The following ABI3BP variants were observed in gnomAD, a reference collection of about 807,000 sequenced individuals.
ABI3BP encodes the protein target of Nesh-SH3.
ABI3BP carries 216 observed loss-of-function variants against 268.6 expected under a neutral mutation model. The ratio of observed to expected loss-of-function variants is 0.80; its 90% CI spans 0.72 to 0.90. ABI3BP has a LOEUF of 0.90. Among genes scored for constraint, ABI3BP ranks in the 40% least tolerant of loss-of-function variants. The pLI is 0.00. For missense variants in ABI3BP, 2,090 were observed against 2,182.4 expected (o/e 0.96, Z 0.84); for synonymous variants, 730 against 730.0 (o/e 1.00, Z 0.00).
intron 1 of ABI3BP, among the ~76,000 whole-genome samples, chr3:100,972,167 A>G (rs1269695212): frequency 6.6e-6 from 1 of 152,230 alleles, no homozygotes; most frequent in Admixed American, 6.5e-5. Context: ...CAACATCTGC[A>G]TTATATTTTA....
rs75255459 is a variant in ABI3BP at position 100,780,208 on chromosome 3, C to T, written c.4164G>A (p.Gly1388=). The T allele has an allele frequency of 7.7e-5, 124 of 1,611,980 alleles. No homozygotes were observed. The East Asian group carries it at 2.7e-3, about 35-fold the overall frequency. Residue 1388 remains glycine (G), a splice_region_variant and synonymous_variant, in exon 58 of 68, where the codon GGG becomes GGA. Transcript: ENST00000471714. The part of the protein sequence containing the change: ...GMPSGNGVGT[G]VKQAPRPSGA... ...CTGATGGCCTGGGTGCTTGCTTGACCCCTATGAGCAGAGATAATGAAAGGG... is the reference window on the plus strand; with the variant it reads ...CTGATGGCCTGGGTGCTTGCTTGACTCCTATGAGCAGAGATAATGAAAGGG...
chr3:100,778,170 C>A (rs1003628522), intron 59 of ABI3BP, 114 bp downstream of exon 59: 26 of 1,031,544 alleles, frequency 2.5e-5, no homozygotes, highest in Non-Finnish European at 3.5e-5. Context: ...AGGGCCAACA[C>A]AAACGTGTCA....
chr3:100,920,662 C>A (rs886795555), intron 2 of ABI3BP, among the ~76,000 whole-genome samples: 13 of 152,120 alleles, frequency 8.5e-5, no homozygotes, highest in African/African-American at 2.9e-4. Flanking sequence ...ACCTCGTGAT[C>A]CACCTGCCTC....
At chr3:100,809,873 T>C (rs971229157) in intron 49 of ABI3BP, among the ~76,000 whole-genome samples, 1 of 152,078 alleles carries the variant, frequency 6.6e-6, no homozygotes, top group African/African-American at 2.4e-5. Flanking sequence ...CCAAAATAAT[T>C]GTTTTGATTT....
At chr3:100,812,407 G>T in intron 46 of ABI3BP, 60 bp downstream of exon 46, 2 of 1,121,338 alleles carry the variant, frequency 1.8e-6, no homozygotes, top group South Asian at 3.3e-5. Flanking sequence ...ATCCAGAGAT[G>T]ACTTTGCAAT....
At chr3:100,989,553 T>A (rs1287769381) in intron 1 of ABI3BP, among the ~76,000 whole-genome samples, 1 of 152,196 alleles carries the variant, frequency 6.6e-6, no homozygotes, top group Non-Finnish European at 1.5e-5. Context: ...CTCTGCCATA[T>A]CCCAAGAGTC....
intron 2 of ABI3BP, among the ~76,000 whole-genome samples, chr3:100,916,847 T>C (rs1409835106): frequency 6.6e-6 from 1 of 152,214 alleles, no homozygotes; most frequent in Non-Finnish European, 1.5e-5. Context: ...GGGATCAGAT[T>C]GTGAAACATC....
chr3:100,834,133 G>C (rs1013796347), intron 29 of ABI3BP, among the ~76,000 whole-genome samples: 1 of 152,066 alleles, frequency 6.6e-6, no homozygotes, highest in Non-Finnish European at 1.5e-5. Flanking sequence ...ACCATATCTG[G>C]CTAGTTTTTC....
intron 56 of ABI3BP, 53 bp from the exon 57 acceptor site, chr3:100,787,855 C>A: frequency 3.8e-6 from 5 of 1,308,382 alleles, no homozygotes; most frequent in East Asian, 2.7e-5. Context: ...AGTTTGCAGC[C>A]GAGAAAAACA....
At chr3:100,831,991 A>G (rs1421233011) in intron 31 of ABI3BP, among the ~76,000 whole-genome samples, 1 of 152,154 alleles carries the variant, frequency 6.6e-6, no homozygotes, top group Non-Finnish European at 1.5e-5. Context: ...AAAGTAGTTG[A>G]TTTAAATGAT....
intron 47 of ABI3BP, among the ~76,000 whole-genome samples, chr3:100,811,523 G>A (rs1158241077): frequency 6.6e-6 from 1 of 152,044 alleles, no homozygotes; most frequent in African/African-American, 2.4e-5. Context: ...TTAGACTTCA[G>A]CAGAGAAAGA....
At chr3:100,801,425 C>CAAAAAAAAAAAAA (rs68171311) in intron 51 of ABI3BP, among the ~76,000 whole-genome samples, 2 of 87,442 alleles carry the variant, frequency 2.3e-5, no homozygotes, top group Admixed American at 1.2e-4. Flanking sequence ...GATATCCTGT[C>CAAAAAAAAAAAAA]AAAAAAAAAA....
At position 100,817,507 on chromosome 3, in the gene ABI3BP, T is replaced by C. The variant is rs2098091614; in HGVS notation, c.3089-12A>G. 6.9e-7 allele frequency: 1 copy of C among 1,447,754 alleles called. No homozygotes were observed. Among genetic ancestry groups the C allele is most frequent in the Non-Finnish European group, 9.2e-7 (1 of 1,091,486 alleles). 89.7% of individuals were successfully genotyped at this position (1,447,754 alleles called of 1,614,324 possible). On this transcript the variant is annotated splice_polypyrimidine_tract_variant and intron_variant, in intron 41 of 67. Coordinates refer to ENST00000471714, the MANE Select transcript of ABI3BP (RefSeq NM_001375547.2). ...GACTGTAGTAACAACTAGACAAAAATAATAAAATAAAGCAAAAAGATTTAA... is the reference window on the plus strand; with the variant it reads ...GACTGTAGTAACAACTAGACAAAAACAATAAAATAAAGCAAAAAGATTTAA...
At chr3:100,945,433 A>G in intron 1 of ABI3BP, 1 of 196,930 alleles carries the variant, frequency 5.1e-6, no homozygotes, top group Non-Finnish European at 1.1e-5. Flanking sequence ...TACTAAATCT[A>G]TCATAATCTA....
intron 9 of ABI3BP, among the ~76,000 whole-genome samples, chr3:100,874,633 C>T (rs9844826): frequency 6.6e-6 from 1 of 151,748 alleles, no homozygotes; most frequent in East Asian, 1.9e-4. Flanking sequence ...TATAAATATA[C>T]CTTATATAAA....
At chr3:100,838,603 A>T in intron 24 of ABI3BP, 139 bp from the exon 25 acceptor site, 7 of 729,966 alleles carry the variant, frequency 9.6e-6, no homozygotes, top group Admixed American at 7.4e-5. Flanking sequence ...GGGTGAAAAG[A>T]GTGTCTATTT....
At chr3:100,803,032 T>G (rs1355007176) in intron 51 of ABI3BP, among the ~76,000 whole-genome samples, 2 of 146,062 alleles carry the variant, frequency 1.4e-5, no homozygotes, top group South Asian at 2.4e-4. Context: ...TGATTATTCC[T>G]GGGGGTGCCA....
At chr3:100,867,423 C>T (rs2099062957) in intron 9 of ABI3BP, among the ~76,000 whole-genome samples, 1 of 151,778 alleles carries the variant, frequency 6.6e-6, no homozygotes, top group African/African-American at 2.4e-5. Flanking sequence ...GGGTGGATCA[C>T]GAGGTCAGGA....
chr3:100,924,911 A>G (rs1389174737), intron 2 of ABI3BP, among the ~76,000 whole-genome samples: 1 of 152,194 alleles, frequency 6.6e-6, no homozygotes, highest in Non-Finnish European at 1.5e-5. Context: ...CAATGAAAAA[A>G]GGGGTAATAT....
Sources: gnomAD v4.1 joint callset for allele counts (sites outside exome capture counted in the v4.1 genomes callset) on GRCh38, gnomAD v4.1.1 for gene constraint, MANE v1.5 for transcripts, NCBI Gene and HGNC (gene_info 2026-07-23, HGNC 2026-07-21) for gene names.